The following B9D1 variants were observed in gnomAD, a reference collection of about 807,000 sequenced individuals.
The protein encoded by B9D1 is B9 domain containing 1.
A neutral mutation model predicts 26.1 loss-of-function variants in B9D1; 20 were observed. The ratio of observed to expected loss-of-function variants is 0.77; its 90% CI spans 0.54 to 1.12. B9D1 has a LOEUF of 1.12. Ranked by LOEUF, B9D1 falls within the 50% of genes most tolerant of loss-of-function variation. The pLI, the probability that B9D1 is intolerant of heterozygous loss-of-function variation, is 0.00. For missense variants in B9D1, 260 were observed against 273.7 expected (o/e 0.95, Z 0.35); for synonymous variants, 105 against 103.1 (o/e 1.02, Z -0.11).
upstream of B9D1, among the ~76,000 whole-genome samples, chr17:19,366,580 C>T (rs1013747755): frequency 6.6e-6 from 1 of 152,088 alleles, no homozygotes; most frequent in Admixed American, 6.5e-5. Flanking sequence ...AGAGACAAAC[C>T]GACTTCCCAA....
rs1260365941 is a variant in B9D1, at chr17:19,362,490, G to A, written c.63+17C>T. ...GACGCTGGGGGGCGGGCCCCGGCGG[G>A]GTCCACGGCCGCTCACCTGGGCGCT... On this transcript the variant is annotated intron_variant, in intron 1 of 6. Coordinates refer to ENST00000261499, the MANE Select transcript of B9D1 (RefSeq NM_015681.6). 4 of 1,543,648 alleles carry A rather than the reference G, an allele frequency of 2.6e-6. No homozygotes were observed. Among genetic ancestry groups the A allele is most frequent in the African/African-American group, 2.7e-5 (2 of 73,196 alleles).
chr17:19,369,570 A>T (rs1458134189), intron 1 of B9D1, among the ~76,000 whole-genome samples: 1 of 152,034 alleles, frequency 6.6e-6, no homozygotes, highest in Non-Finnish European at 1.5e-5. Context: ...CTGGAGGTTA[A>T]GTGAGTTGGG....
At chr17:19,362,478 G>A (rs775969961) in intron 1 of B9D1, 29 bp downstream of exon 1, 2 of 1,513,952 alleles carry the variant, frequency 1.3e-6, no homozygotes, top group East Asian at 4.9e-5. Context: ...GCTGGGGGGC[G>A]GGCCCCGGCG....
chr17:19,341,115 A>G, downstream of B9D1: 5 of 1,227,048 alleles, frequency 4.1e-6, no homozygotes, highest in Non-Finnish European at 5.1e-6. Context: ...ATGTTGAGAA[A>G]AATTGGAAAA....
At position 19,347,615 on chromosome 17, in the gene B9D1, A is replaced by G. The variant is rs1362941937; in HGVS notation, c.341+169T>C. On this transcript the variant is annotated intron_variant, in intron 4 of 6. Coordinates refer to ENST00000261499, the MANE Select transcript of B9D1 (RefSeq NM_015681.6). The surrounding 1 kb of genome is among the most constrained non-coding windows in gnomAD (Gnocchi z 4.3). ...GTGTGTGGCTGGCACCACCCATCTGAAAGGTTCTCCTCCCAAATACAGGCT... is the reference window on the plus strand; with the variant it reads ...GTGTGTGGCTGGCACCACCCATCTGGAAGGTTCTCCTCCCAAATACAGGCT... 1.3e-5 allele frequency among the ~76,000 whole-genome samples: 2 copies of G among 152,096 alleles called. No individual in the cohort carries two copies. The highest frequency in any genetic ancestry group is 4.8e-5 in the African/African-American group (2 of 41,410).
intron 1 of B9D1, among the ~76,000 whole-genome samples, chr17:19,368,768 C>G (rs1911727522): frequency 1.3e-5 from 2 of 151,992 alleles, no homozygotes; most frequent in African/African-American, 4.8e-5. Context: ...AAATAGAGAC[C>G]CCGTCTCTAA....
chr17:19,364,006 C>T (rs1911437359), upstream of B9D1, among the ~76,000 whole-genome samples: 1 of 152,214 alleles, frequency 6.6e-6, no homozygotes, highest in Non-Finnish European at 1.5e-5. This position sits in a 1 kb window ranked among gnomAD's most constrained non-coding sequence, Gnocchi z 4.3. Context: ...CTCCCTTCTT[C>T]CCCCGCTCTG....
At chr17:19,360,462 C>T (rs1910905492) in intron 1 of B9D1, 74 bp from the exon 2 acceptor site, 1 of 1,362,994 alleles carries the variant, frequency 7.3e-7, no homozygotes, top group South Asian at 1.2e-5. Context: ...GCAGGTGCAG[C>T]CAAGGGGAAT....
At chr17:19,374,830 G>A (rs1318536260) in intron 1 of B9D1, among the ~76,000 whole-genome samples, 5 of 152,100 alleles carry the variant, frequency 3.3e-5, no homozygotes, top group Admixed American at 2.0e-4. Context: ...GTGAAAAGAC[G>A]ATCTGAGAAA....
chr17:19,367,396 C>G (rs950476797), upstream of B9D1, among the ~76,000 whole-genome samples: 5 of 149,346 alleles, frequency 3.3e-5, no homozygotes, highest in Non-Finnish European at 5.9e-5. Context: ...ACTGCAACCT[C>G]TGCCTCCTGG....
chr17:19,361,911 G>A (rs963359843), intron 1 of B9D1, among the ~76,000 whole-genome samples: 5 of 152,200 alleles, frequency 3.3e-5, no homozygotes, highest in Non-Finnish European at 5.9e-5. Flanking sequence ...GGCTGTAAGG[G>A]TGGACCAGTG....
chr17:19,348,671 C>T (rs1325724586), intron 3 of B9D1, among the ~76,000 whole-genome samples: 1 of 152,196 alleles, frequency 6.6e-6, no homozygotes, highest in African/African-American at 2.4e-5. Flanking sequence ...AGGAAACTAC[C>T]TCTTTACTTT....
Position 19,359,595 on chromosome 17 carries a change from GCTTA to G in B9D1, c.132+721_132+724del, listed in dbSNP as rs1750403565. On this transcript the variant is annotated intron_variant, in intron 2 of 6. Transcript: ENST00000261499. This position sits in a 1 kb window ranked among gnomAD's most constrained non-coding sequence, Gnocchi z 5.0. ...GGCTTGGTCTCCCCTCACACTTCTG[GCTTA>G]CTAACATCCTAGAATATGCACTCCT... Among the ~76,000 whole-genome samples the G allele has an allele frequency of 6.6e-6, 1 of 152,012 alleles. No homozygotes were observed. Among genetic ancestry groups the G allele is most frequent in the Non-Finnish European group, 1.5e-5 (1 of 68,020 alleles).
chr17:19,362,510 G>T lies in B9D1; in HGVS notation c.60C>A (p.Ala20=). Residue 20 remains alanine (A), a synonymous_variant, in exon 1 of 7, where the codon GCC becomes GCA. Transcript: ENST00000261499. ...LLMVNGQVES[A]QFPEYDDLYC... is the part of the protein sequence containing the mutation. Reference sequence around the variant, plus strand: ...GGCGGGGTCCACGGCCGCTCACCTGGGCGCTCTCCACCTGCCCGTTGACCA... The same window carrying T: ...GGCGGGGTCCACGGCCGCTCACCTGTGCGCTCTCCACCTGCCCGTTGACCA... 1 of 1,569,824 alleles carries T rather than the reference G, an allele frequency of 6.4e-7. No homozygotes were observed. Among genetic ancestry groups the T allele is most frequent in the South Asian group, 1.2e-5 (1 of 85,882 alleles).
intron 1 of B9D1, among the ~76,000 whole-genome samples, chr17:19,369,126 C>T (rs770154635): frequency 6.6e-6 from 1 of 152,062 alleles, no homozygotes; most frequent in Non-Finnish European, 1.5e-5. Flanking sequence ...AAAGAGCTAG[C>T]GAGGGATAGG....
At chr17:19,360,937 C>T (rs1231946147) in intron 1 of B9D1, among the ~76,000 whole-genome samples, 11 of 152,150 alleles carry the variant, frequency 7.2e-5, no homozygotes, top group Non-Finnish European at 1.5e-4. Flanking sequence ...GAGGAGCAGG[C>T]GAGCAAGCAA....
intron 5 of B9D1, among the ~76,000 whole-genome samples, chr17:19,344,064 TAGCC>T (rs1908364402): frequency 6.6e-6 from 1 of 152,220 alleles, no homozygotes; most frequent in Non-Finnish European, 1.5e-5. Flanking sequence ...TCACACAGCC[TAGCC>T]AGGCCTCATG....
At chr17:19,338,552 T>C (rs754731503), downstream of B9D1, among the ~76,000 whole-genome samples, 3 of 152,240 alleles carry the variant, frequency 2.0e-5, no homozygotes, top group Non-Finnish European at 4.4e-5. Context: ...TGTCTCCCAG[T>C]GTGGTCTCCG....
chr17:19,372,669 T>C lies in B9D1; in HGVS notation c.-298+5190A>G, dbSNP rs563070926. Among the ~76,000 whole-genome samples the C allele has an allele frequency of 1.3e-5, 2 of 152,336 alleles. No individual in the cohort carries two copies. The highest frequency in any genetic ancestry group is 2.1e-4 in the South Asian group (1 of 4,818). ...CAGAGAAAGCTGGGACTTGTGCTCA[T>C]GGCTCTGACCCCAGCACACAGCACA... On this transcript the variant is annotated intron_variant, in intron 1 of 5. Transcript: ENST00000477478. The surrounding 1 kb of genome is among the most constrained non-coding windows in gnomAD (Gnocchi z 4.4).
Sources: allele counts gnomAD v4.1 joint callset (sites outside exome capture counted in the v4.1 genomes callset), GRCh38; gene constraint gnomAD v4.1.1; non-coding constraint Gnocchi (gnomAD v3.1); transcripts MANE v1.5; gene names NCBI Gene and HGNC (gene_info 2026-07-23, HGNC 2026-07-21).